RAPGEF2: variants seen among roughly 807,000 people sequenced by gnomAD.
The protein encoded by RAPGEF2 is Rap guanine nucleotide exchange factor 2.
In RAPGEF2, 54 loss-of-function variants were observed where a neutral mutation model predicts 186.7. The ratio of observed to expected loss-of-function variants is 0.29; its 90% CI spans 0.23 to 0.36. The LOEUF is 0.36. RAPGEF2 is among the 10% of genes least tolerant of loss of function. The pLI is 1.00. For missense variants in RAPGEF2, 1,532 were observed against 2,045.0 expected, an observed-to-expected ratio of 0.75 and a Z score of 4.84; for synonymous variants, 712 against 705.9, an observed-to-expected ratio of 1.01 and a Z score of -0.14.
chr4:159,333,403 G>A (rs2111216397), intron 17 of RAPGEF2, among the ~76,000 whole-genome samples: 1 of 152,154 alleles, frequency 6.6e-6, no homozygotes, highest in Admixed American at 6.5e-5. Context: ...CTCTTTACCA[G>A]TCAAATCATT....
chr4:159,205,295 G>C (rs1041665738), intron 3 of RAPGEF2, among the ~76,000 whole-genome samples: 33 of 152,108 alleles, frequency 2.2e-4, no homozygotes, highest in African/African-American at 7.7e-4. Context: ...CATCTTAGGT[G>C]ATTCATTTGC....
At chr4:159,352,063 A>C (rs1239646981) in intron 26 of RAPGEF2, among the ~76,000 whole-genome samples, 1 of 152,262 alleles carries the variant, frequency 6.6e-6, no homozygotes, top group Non-Finnish European at 1.5e-5. Context: ...CTGTTTAGAT[A>C]TTCTATAGTA....
intron 4 of RAPGEF2, among the ~76,000 whole-genome samples, chr4:159,236,910 A>G (rs953521885): frequency 1.3e-5 from 2 of 152,220 alleles, no homozygotes; most frequent in Non-Finnish European, 2.9e-5. Context: ...TTCACTTAAA[A>G]GTACTCTAAT....
intron 7 of RAPGEF2, among the ~76,000 whole-genome samples, chr4:159,300,309 G>A (rs1318836925): frequency 2.0e-5 from 3 of 151,568 alleles, no homozygotes; most frequent in African/African-American, 7.3e-5. Flanking sequence ...CAGTGTTTGT[G>A]GTTAAACTAT....
At chr4:159,133,149 T>A (rs1741294242) in intron 1 of RAPGEF2, among the ~76,000 whole-genome samples, 1 of 152,182 alleles carries the variant, frequency 6.6e-6, no homozygotes, top group South Asian at 2.1e-4. Flanking sequence ...TGTATACTGA[T>A]CTTTCCATAT....
At chr4:159,107,342 C>G (rs1737990159) in intron 1 of RAPGEF2, among the ~76,000 whole-genome samples, 1 of 152,106 alleles carries the variant, frequency 6.6e-6, no homozygotes, top group East Asian at 1.9e-4. Flanking sequence ...AAATAAATTA[C>G]AAACAGCTTT....
chr4:159,272,798 G>A (rs1031620971), intron 7 of RAPGEF2, among the ~76,000 whole-genome samples: 7 of 152,170 alleles, frequency 4.6e-5, no homozygotes, highest in Admixed American at 2.6e-4. Context: ...AGAGAAGTAG[G>A]TCAGTACAGG....
intron 1 of RAPGEF2, among the ~76,000 whole-genome samples, chr4:159,161,618 C>T (rs750645570): frequency 1.2e-4 from 19 of 152,044 alleles, no homozygotes; most frequent in Non-Finnish European, 2.2e-4. Context: ...GCAGGAGGAT[C>T]GATTGAGCCT....
chr4:159,335,556 T>G (rs1158738017), intron 17 of RAPGEF2, among the ~76,000 whole-genome samples: 1 of 151,830 alleles, frequency 6.6e-6, no homozygotes, highest in East Asian at 1.9e-4. Flanking sequence ...GGAGAAACGG[T>G]TCTTAAAGGT....
At chr4:159,148,087 T>C (rs905873878) in intron 1 of RAPGEF2, among the ~76,000 whole-genome samples, 1 of 152,204 alleles carries the variant, frequency 6.6e-6, no homozygotes, top group Non-Finnish European at 1.5e-5. Flanking sequence ...GTTTTTAGGT[T>C]AAAGAGAGCA....
At chr4:159,295,752 T>TGC (rs1348555350) in intron 7 of RAPGEF2, among the ~76,000 whole-genome samples, 176 of 111,828 alleles carry the variant, frequency 1.6e-3, no homozygotes, top group Middle Eastern at 8.9e-3. Context: ...TGTGTGTGTG[T>TGC]GTGCGCGCGC....
chr4:159,291,060 C>CA (rs1267202006), intron 7 of RAPGEF2, among the ~76,000 whole-genome samples: 2 of 152,136 alleles, frequency 1.3e-5, no homozygotes, highest in Non-Finnish European at 2.9e-5. Flanking sequence ...CATGAATACC[C>CA]AGTGTTTTTG....
intron 1 of RAPGEF2, among the ~76,000 whole-genome samples, chr4:159,127,770 A>T (rs1740520979): frequency 6.6e-6 from 1 of 152,232 alleles, no homozygotes; most frequent in South Asian, 2.1e-4. Flanking sequence ...TATATAGCTC[A>T]GTTTGGTGCA....
chr4:159,224,006 C>T (rs1259620742), intron 4 of RAPGEF2, among the ~76,000 whole-genome samples: 3 of 151,932 alleles, frequency 2.0e-5, no homozygotes, highest in South Asian at 4.2e-4. Flanking sequence ...TCAAGTGATT[C>T]TTGTGCCTCG....
intron 7 of RAPGEF2, among the ~76,000 whole-genome samples, chr4:159,263,519 G>A (rs1757107546): frequency 6.6e-6 from 1 of 152,088 alleles, no homozygotes; most frequent in East Asian, 1.9e-4. Flanking sequence ...TTTCCTCTGT[G>A]GTAGTGGGGA....
intron 1 of RAPGEF2, among the ~76,000 whole-genome samples, chr4:159,117,567 A>G (rs934714918): frequency 2.0e-5 from 3 of 150,888 alleles, no homozygotes; most frequent in Non-Finnish European, 4.4e-5. Flanking sequence ...TACTTTATAT[A>G]TTCTGCGATG....
intron 1 of RAPGEF2, among the ~76,000 whole-genome samples, chr4:159,161,392 C>T (rs866284825): frequency 9.2e-5 from 14 of 152,150 alleles, no homozygotes; most frequent in Admixed American, 7.2e-4. Context: ...TTTCTTTTTG[C>T]GAAGTGTTAC....
intron 4 of RAPGEF2, among the ~76,000 whole-genome samples, chr4:159,231,880 G>C (rs1162217138): frequency 1.3e-5 from 2 of 152,122 alleles, no homozygotes; most frequent in Non-Finnish European, 2.9e-5. Flanking sequence ...TTTACCTTCT[G>C]CCCATCTCTA....
chr4:159,152,821 G>A (rs140541031), intron 1 of RAPGEF2, among the ~76,000 whole-genome samples: 6,238 of 152,128 alleles, frequency 0.041, 453 homozygotes, highest in African/African-American at 0.14. Context: ...GGGTTTCACC[G>A]TGTTAGCCAG....
Sources: gnomAD v4.1 joint callset for allele counts (sites outside exome capture counted in the v4.1 genomes callset) on GRCh38, gnomAD v4.1.1 for gene constraint, MANE v1.5 for transcripts, NCBI Gene and HGNC (gene_info 2026-07-23, HGNC 2026-07-21) for gene names.